COMMD1: variants seen among roughly 807,000 people sequenced by gnomAD.
The protein encoded by COMMD1 is copper metabolism domain containing 1.
A neutral mutation model predicts 17.2 loss-of-function variants in COMMD1; 10 were observed. The observed-to-expected ratio is 0.58, with a 90% CI of 0.36 to 0.99. The LOEUF is 0.99. Ranked by LOEUF, COMMD1 falls within the 50% of genes least tolerant of loss-of-function variation. The pLI, the probability that COMMD1 is intolerant of heterozygous loss-of-function variation, is 0.01. For synonymous variants in COMMD1, 97 were observed against 91.6 expected (o/e 1.06, Z -0.34); for missense variants, 270 against 231.8 (o/e 1.17, Z -1.07).
intron 1 of COMMD1, among the ~76,000 whole-genome samples, chr2:61,990,851 A>T (rs1672226992): frequency 6.7e-6 from 1 of 149,764 alleles, no homozygotes; most frequent in African/African-American, 2.5e-5. Context: ...GGGGACACAA[A>T]GCCAAACCAT....
At chr2:62,096,814 A>G (rs1042243680) in intron 2 of COMMD1, among the ~76,000 whole-genome samples, 27 of 152,250 alleles carry the variant, frequency 1.8e-4, no homozygotes, top group African/African-American at 6.5e-4. Context: ...AGCCATTGTA[A>G]TAGGTGGACA....
At chr2:61,947,075 A>G (rs957808649) in intron 1 of COMMD1, among the ~76,000 whole-genome samples, 2 of 152,224 alleles carry the variant, frequency 1.3e-5, no homozygotes, top group African/African-American at 4.8e-5. Context: ...TTATGAATAT[A>G]GCATCTCACA....
At position 62,120,099 on chromosome 2, in the gene COMMD1, C is replaced by T. The variant is rs1672704052; in HGVS notation, c.463-15732C>T. Among the ~76,000 whole-genome samples the T allele has an allele frequency of 2.6e-5, 4 of 152,298 alleles. No individual in the cohort carries two copies. In the South Asian group the frequency reaches 8.3e-4, roughly 32 times the overall value. On this transcript the variant is annotated intron_variant, in intron 2 of 2. Transcript: ENST00000311832. ...TACAGCCTTGACCTCTGGGCTCAAG[C>T]AGTCTTCCTGCCTCACTCAGCCTCC...
intron 1 of COMMD1, among the ~76,000 whole-genome samples, chr2:61,984,116 C>T (rs954406955): frequency 2.6e-5 from 4 of 152,124 alleles, no homozygotes; most frequent in Admixed American, 2.0e-4. Flanking sequence ...CCTCTGCCTC[C>T]CAGGTTCAAG....
At chr2:61,991,688 A>T (rs1392523484) in intron 1 of COMMD1, among the ~76,000 whole-genome samples, 3 of 152,242 alleles carry the variant, frequency 2.0e-5, no homozygotes, top group Non-Finnish European at 4.4e-5. Flanking sequence ...GACATTTCAG[A>T]ACATTTAGAA....
At chr2:61,918,969 T>A (rs1670115993) in intron 1 of COMMD1, among the ~76,000 whole-genome samples, 1 of 152,186 alleles carries the variant, frequency 6.6e-6, no homozygotes, top group Non-Finnish European at 1.5e-5. Context: ...ATTTTAGAAA[T>A]TTGGAGATGG....
intron 1 of COMMD1, among the ~76,000 whole-genome samples, chr2:61,894,935 TG>T (rs1669522465): frequency 6.6e-6 from 1 of 152,042 alleles, no homozygotes; most frequent in Non-Finnish European, 1.5e-5. Flanking sequence ...TGACCTCAGG[TG>T]ATCCACCTGC....
intron 2 of COMMD1, among the ~76,000 whole-genome samples, chr2:62,135,043 G>T (rs1321876442): frequency 1.3e-5 from 2 of 152,216 alleles, no homozygotes; most frequent in African/African-American, 4.8e-5. Context: ...ATCAGAGTCA[G>T]TCAAAATTCT....
At chr2:62,085,708 G>C (rs1263697551) in intron 2 of COMMD1, among the ~76,000 whole-genome samples, 2 of 152,070 alleles carry the variant, frequency 1.3e-5, no homozygotes, top group Non-Finnish European at 1.5e-5. Context: ...GGCTGGGCGT[G>C]GTGGCTCACG....
At chr2:62,097,118 G>A (rs1672034436) in intron 2 of COMMD1, among the ~76,000 whole-genome samples, 1 of 152,310 alleles carries the variant, frequency 6.6e-6, no homozygotes, top group Non-Finnish European at 1.5e-5. Flanking sequence ...GGACAGTAAG[G>A]TGTGGGGGTT....
intron 1 of COMMD1, among the ~76,000 whole-genome samples, chr2:61,947,526 A>T (rs763740978): frequency 6.6e-6 from 1 of 152,032 alleles, no homozygotes; most frequent in Non-Finnish European, 1.5e-5. Context: ...TCTACTAAAA[A>T]TAAAAAATTA....
intron 2 of COMMD1, among the ~76,000 whole-genome samples, chr2:62,044,385 C>T (rs1670323624): frequency 6.6e-6 from 1 of 152,138 alleles, no homozygotes; most frequent in Non-Finnish European, 1.5e-5. Context: ...AATCTGCCTC[C>T]TGGTTTATCT....
At chr2:61,991,433 G>T (rs2103780471) in intron 1 of COMMD1, among the ~76,000 whole-genome samples, 1 of 152,274 alleles carries the variant, frequency 6.6e-6, no homozygotes, top group South Asian at 2.1e-4. Context: ...CTACTTCAAG[G>T]TGTTAGATGA....
At chr2:62,062,168 G>T (rs992526504) in intron 2 of COMMD1, among the ~76,000 whole-genome samples, 1 of 151,640 alleles carries the variant, frequency 6.6e-6, no homozygotes, top group Non-Finnish European at 1.5e-5. Context: ...TCTGTAAGAC[G>T]CCAATTGTAA....
At chr2:62,070,631 C>T (rs9808464) in intron 2 of COMMD1, among the ~76,000 whole-genome samples, 1 of 151,558 alleles carries the variant, frequency 6.6e-6, no homozygotes, top group Non-Finnish European at 1.5e-5. Context: ...ATATGTGTTA[C>T]CAGAAAGGGC....
chr2:62,070,056 G>A (rs1385155231), intron 2 of COMMD1: 5 of 152,200 alleles, frequency 3.3e-5, no homozygotes, highest in African/African-American at 1.2e-4. Flanking sequence ...GATGCCTGTT[G>A]CAAGTTGGGG....
rs150832203 is a variant in COMMD1, at chr2:62,015,137, T to A, written c.462+14155T>A. Among the ~76,000 whole-genome samples, 752 of 152,298 alleles carry A rather than the reference T, an allele frequency of 4.9e-3. 7 individuals are homozygous for A. Among genetic ancestry groups the A allele is most frequent in the African/African-American group, 0.017 (715 of 41,560 alleles). On this transcript the variant is annotated intron_variant, in intron 2 of 2. Transcript: ENST00000311832. ...CCACTATTTGCAGATCTTTCTTTTT[T>A]AAATCCCAAACAGAAATTCAGTACA...
intron 2 of COMMD1, among the ~76,000 whole-genome samples, chr2:62,114,369 ATG>A (rs1672531597): frequency 6.6e-6 from 1 of 152,198 alleles, no homozygotes; most frequent in Admixed American, 6.5e-5. Context: ...TAGATTGGAA[ATG>A]TTCTGCATAC....
rs141112429 is a variant in COMMD1 at position 62,074,663 on chromosome 2, A to G, written c.463-61168A>G. 2.0e-4 allele frequency among the ~76,000 whole-genome samples: 31 copies of G among 152,280 alleles called. No individual in the cohort carries two copies. The East Asian group carries it at 5.6e-3, about 27-fold the overall frequency. On this transcript the variant is annotated intron_variant, in intron 2 of 2. Coordinates refer to ENST00000311832, the MANE Select transcript of COMMD1 (RefSeq NM_152516.4). ...GTTTGTCTTCTCTATCTTGTCTATT[A>G]TCATTTTCACAGCACAGGAAAAACA...
Sources: allele counts gnomAD v4.1 joint callset (sites outside exome capture counted in the v4.1 genomes callset), GRCh38; gene constraint gnomAD v4.1.1; transcripts MANE v1.5; gene names NCBI Gene and HGNC (gene_info 2026-07-23, HGNC 2026-07-21).